The following SLC8A1 variants were observed in gnomAD, a reference collection of about 807,000 sequenced individuals.
The protein encoded by SLC8A1 is sodium/calcium exchanger 1.
In SLC8A1, 18 loss-of-function variants were observed where a neutral mutation model predicts 68.3. The ratio of observed to expected loss-of-function variants is 0.26; its 90% CI spans 0.18 to 0.39. The LOEUF (loss-of-function observed/expected upper bound fraction) is 0.39. Among genes scored for constraint, SLC8A1 ranks in the 10% least tolerant of loss-of-function variants. The pLI, the probability that SLC8A1 is intolerant of heterozygous loss-of-function variation, is 1.00. For missense variants in SLC8A1, 985 were observed against 1,156.7 expected, an observed-to-expected ratio of 0.85 and a Z score of 2.15; for synonymous variants, 475 against 415.5, an observed-to-expected ratio of 1.14 and a Z score of -1.74.
At chr2:40,118,972 C>T (rs931746690) in intron 7 of SLC8A1, among the ~76,000 whole-genome samples, 9 of 151,942 alleles carry the variant, frequency 5.9e-5, no homozygotes, top group South Asian at 2.1e-4. Flanking sequence ...CCTTTGCTGC[C>T]GCACCAGAAG....
At chr2:40,495,771 T>C (rs944177656) in intron 1 of SLC8A1, among the ~76,000 whole-genome samples, 2 of 152,046 alleles carry the variant, frequency 1.3e-5, no homozygotes, top group Non-Finnish European at 1.5e-5. Context: ...TTGGAACTTG[T>C]AGCCAGGACT....
intron 2 of SLC8A1, among the ~76,000 whole-genome samples, chr2:40,246,220 C>G (rs1196836760): frequency 6.6e-6 from 1 of 152,140 alleles, no homozygotes; most frequent in Non-Finnish European, 1.5e-5. Context: ...GTTACACATA[C>G]ACTACAAGCA....
At chr2:40,234,205 A>G (rs1420189595) in intron 2 of SLC8A1, among the ~76,000 whole-genome samples, 4 of 152,032 alleles carry the variant, frequency 2.6e-5, no homozygotes, top group African/African-American at 9.7e-5. Context: ...GGCCATTTTC[A>G]TGATATTGAT....
chr2:40,369,318 A>G (rs1174734148), intron 2 of SLC8A1, among the ~76,000 whole-genome samples: 1 of 152,118 alleles, frequency 6.6e-6, no homozygotes, highest in Non-Finnish European at 1.5e-5. Flanking sequence ...CCTCGTCATC[A>G]TCTGAGCTGG....
At chr2:40,435,922 C>A (rs1311685666) in intron 1 of SLC8A1, among the ~76,000 whole-genome samples, 1 of 151,480 alleles carries the variant, frequency 6.6e-6, no homozygotes, top group Non-Finnish European at 1.5e-5. Context: ...ATTATAGGTG[C>A]CTGCCAACCA....
At chr2:40,483,804 C>T (rs544474877) in intron 1 of SLC8A1, among the ~76,000 whole-genome samples, 3 of 152,174 alleles carry the variant, frequency 2.0e-5, no homozygotes, top group African/African-American at 4.8e-5. Context: ...GAGCAGCCAT[C>T]ATGGTCCACG....
At chr2:40,320,977 CG>C (rs1193793919) in intron 2 of SLC8A1, among the ~76,000 whole-genome samples, 1 of 151,976 alleles carries the variant, frequency 6.6e-6, no homozygotes, top group Non-Finnish European at 1.5e-5. Flanking sequence ...ACCATGCAGG[CG>C]GGGGATTGTG....
rs971938516 is a variant in SLC8A1, at chr2:40,307,368, T to C, written c.1808+121105A>G. Among the ~76,000 whole-genome samples the C allele has an allele frequency of 2.0e-5, 3 of 152,210 alleles. No homozygotes were observed. In the East Asian group the frequency reaches 5.8e-4, roughly 29 times the overall value. ...AAATTAATAGAAAGCAAAATGGTAGTTATCAGGGGCTGGGAGAAGGGGAAA... is the reference window on the plus strand; with the variant it reads ...AAATTAATAGAAAGCAAAATGGTAGCTATCAGGGGCTGGGAGAAGGGGAAA... On this transcript the variant is annotated intron_variant, in intron 2 of 7. Coordinates refer to ENST00000406785, the Ensembl canonical transcript of SLC8A1.
In SLC8A1 at chr2:40,402,931, G is replaced by A. The variant is rs145498289; in HGVS notation, c.1808+25542C>T. ...AATTGTGCCATTTGATTTTTTATTT[G>A]TGACTTACTGTTCCAGAGCTGATCC... On this transcript the variant is annotated intron_variant, in intron 2 of 7. Transcript: ENST00000406785. Among the ~76,000 whole-genome samples, 105 of 152,196 alleles carry A rather than the reference G, an allele frequency of 6.9e-4. 1 individual carries two copies. In the East Asian group the frequency reaches 0.012, roughly 18 times the overall value.
At chr2:40,185,087 C>T (rs13385280) in intron 2 of SLC8A1, among the ~76,000 whole-genome samples, 18,008 of 151,784 alleles carry the variant, frequency 0.12, 1,148 homozygotes, top group African/African-American at 0.13. Flanking sequence ...AGGAAGACTA[C>T]GATAAAAAAG....
chr2:40,427,667 T>C (rs1238538018), intron 2 of SLC8A1, among the ~76,000 whole-genome samples: 1 of 152,144 alleles, frequency 6.6e-6, no homozygotes, highest in African/African-American at 2.4e-5. Context: ...TTCATATTAC[T>C]ACATGAGCAC....
At chr2:40,397,840 A>G (rs998921319) in intron 2 of SLC8A1, among the ~76,000 whole-genome samples, 10 of 152,156 alleles carry the variant, frequency 6.6e-5, no homozygotes, top group Admixed American at 2.0e-4. Context: ...TAGCTACATG[A>G]CCCAGGGCAA....
chr2:40,156,730 T>G (rs1367231415), intron 6 of SLC8A1, among the ~76,000 whole-genome samples: 1 of 152,156 alleles, frequency 6.6e-6, no homozygotes, highest in Non-Finnish European at 1.5e-5. Context: ...CAAACAAATA[T>G]CTACTATATA....
intron 2 of SLC8A1, among the ~76,000 whole-genome samples, chr2:40,365,594 G>C (rs1675912053): frequency 6.6e-6 from 1 of 152,054 alleles, no homozygotes; most frequent in Non-Finnish European, 1.5e-5. Flanking sequence ...CAGAAATATT[G>C]CTTCTTGTGC....
chr2:40,415,665 T>C (rs897007103), intron 2 of SLC8A1, among the ~76,000 whole-genome samples: 3 of 152,078 alleles, frequency 2.0e-5, no homozygotes, highest in Non-Finnish European at 4.4e-5. Context: ...AAAGGACTAA[T>C]GCTCTCTTAT....
chr2:40,331,179 G>A (rs953419021), intron 2 of SLC8A1, among the ~76,000 whole-genome samples: 7 of 152,152 alleles, frequency 4.6e-5, no homozygotes, highest in Non-Finnish European at 5.9e-5. Flanking sequence ...AGATAATTCA[G>A]TAATTGCCAT....
At chr2:40,118,640 G>A (rs1386623775) in intron 7 of SLC8A1, 2 of 72,834 alleles carry the variant, frequency 2.7e-5, no homozygotes, top group Non-Finnish European at 6.0e-5. Flanking sequence ...TTTTTTTAAG[G>A]TCAGGCAGTG....
chr2:40,470,939 T>C (rs1392753819), intron 1 of SLC8A1, among the ~76,000 whole-genome samples: 1 of 152,198 alleles, frequency 6.6e-6, no homozygotes, highest in Non-Finnish European at 1.5e-5. Flanking sequence ...CCACTGTATC[T>C]TCTTCTCTTA....
At chr2:40,446,401 T>A (rs1701454405) in intron 1 of SLC8A1, 1 of 152,230 alleles carries the variant, frequency 6.6e-6, no homozygotes, top group Non-Finnish European at 1.5e-5. Context: ...GCCCTAACAT[T>A]TCTCCACGGT....
Sources: allele counts gnomAD v4.1 joint callset (sites outside exome capture counted in the v4.1 genomes callset), GRCh38; gene constraint gnomAD v4.1.1; transcripts MANE v1.5; gene names NCBI Gene and HGNC (gene_info 2026-07-23, HGNC 2026-07-21).